The following POU3F3 variants were observed in gnomAD, a reference collection of about 807,000 sequenced individuals.
POU3F3 encodes the protein POU domain, class 3, transcription factor 3.
A neutral mutation model predicts 8.6 loss-of-function variants in POU3F3; 1 was observed. That is an observed-to-expected ratio of 0.12 (90% CI 0.04 to 0.55). The LOEUF (loss-of-function observed/expected upper bound fraction) is 0.55, where lower values mean the gene tolerates loss of function less well. Among genes scored for constraint, POU3F3 ranks in the 20% least tolerant of loss-of-function variants. The pLI, the probability that POU3F3 is intolerant of heterozygous loss-of-function variation, is 0.91. For synonymous variants in POU3F3, 418 were observed against 327.4 expected (o/e 1.28, Z -2.99); for missense variants, 577 against 690.7 (o/e 0.84, Z 1.84).
At chr2:104,905,812 C>T in the POU3F3 span, among the ~76,000 whole-genome samples, 3 of 152,198 alleles carry the variant, frequency 2.0e-5, no homozygotes, top group African/African-American at 7.2e-5. Context: ...TGGATTAGGG[C>T]CCACTCTAAT....
At chr2:104,883,337 C>A in the POU3F3 span, among the ~76,000 whole-genome samples, 3 of 152,342 alleles carry the variant, frequency 2.0e-5, no homozygotes, top group African/African-American at 7.2e-5. Flanking sequence ...CAGCTTAAGA[C>A]CCTGGATTCA....
the POU3F3 span, among the ~76,000 whole-genome samples, chr2:104,887,627 A>G: frequency 2.0e-5 from 3 of 152,332 alleles, no homozygotes; most frequent in East Asian, 5.8e-4. Flanking sequence ...TACCTGCCAA[A>G]AAAACTTTAC....
chr2:104,894,529 A>C, the POU3F3 span, among the ~76,000 whole-genome samples: 1 of 152,140 alleles, frequency 6.6e-6, no homozygotes, highest in African/African-American at 2.4e-5. Context: ...GCCTGCCTGC[A>C]CGAGTGCTGG....
the POU3F3 span, among the ~76,000 whole-genome samples, chr2:104,906,205 T>C: frequency 6.6e-6 from 1 of 152,230 alleles, no homozygotes; most frequent in African/African-American, 2.4e-5. Flanking sequence ...TGAATTTATT[T>C]TGATGAGAAG....
rs895839135 is a variant in POU3F3, at chr2:104,857,087, TGCCGCCGCCGCC to T, written c.*92_*103del. Reference sequence around the variant, plus strand: ...CCGCCGTCAGCACCGCCGCCGCCCCTGCCGCCGCCGCCGCCGCCGCCGCCGCCGCTGCCGCCG... The same window carrying T: ...CCGCCGTCAGCACCGCCGCCGCCCCTGCCGCCGCCGCCGCCGCTGCCGCCG... On this transcript the variant is annotated 3_prime_UTR_variant, in exon 1 of 1. Transcript: ENST00000361360. The T allele has an allele frequency of 7.6e-5, 76 of 1,002,134 alleles. No individual in the cohort carries two copies. Among genetic ancestry groups the T allele is most frequent in the Middle Eastern group, 4.8e-4 (1 of 2,092 alleles). 62.1% of individuals were successfully genotyped at this position (1,002,134 alleles called of 1,614,324 possible). A position where few individuals can be genotyped will look rare whatever the true frequency, so the allele number is the denominator to read the frequency against.
At chr2:104,894,137 T>C in the POU3F3 span, among the ~76,000 whole-genome samples, 9 of 152,174 alleles carry the variant, frequency 5.9e-5, no homozygotes, top group Admixed American at 5.9e-4. Context: ...TCAGTATCCT[T>C]GTGTGTCCAG....
rs771253910 is a variant in POU3F3, at chr2:104,855,704, G to C, written c.194G>C (p.Gly65Ala). ...GCCGTGACCTCGGGCGCCTACCGGG[G>C]GGACCCGTCCTCTGTCAAGATGGTC... is the stretch of plus-strand genomic sequence containing the variant. ...SAAVTSGAYR[G>A]DPSSVKMVQS... Residue 65 changes from glycine (G) to alanine (A), a missense_variant, in exon 1 of 1, where the codon GGG (glycine) becomes GCG (alanine). By Grantham distance (60) the Gly-to-Ala change is moderately conservative (BLOSUM62 0). Around this residue, in one of 7 missense-constraint regions of POU3F3, gnomAD observed 484 missense variants for 422.6 expected, o/e 1.15. Transcript: ENST00000361360. The C allele has an allele frequency of 1.6e-6, 2 of 1,231,038 alleles. No individual in the cohort carries two copies. The highest frequency in any genetic ancestry group is 2.1e-6 in the Non-Finnish European group (2 of 963,592). The allele number at this position is 1,231,038 out of a possible 1,614,324, so 76.3% of individuals were successfully genotyped here.
chr2:104,897,988 A>G, the POU3F3 span, among the ~76,000 whole-genome samples: 1 of 152,194 alleles, frequency 6.6e-6, no homozygotes. Context: ...TATAAGAGGG[A>G]CTGAATGTTC....
At chr2:104,921,852 C>A in the POU3F3 span, among the ~76,000 whole-genome samples, 1 of 152,080 alleles carries the variant, frequency 6.6e-6, no homozygotes, top group African/African-American at 2.4e-5. Flanking sequence ...CAAAAATTAG[C>A]CAGACATGGT....
the POU3F3 span, among the ~76,000 whole-genome samples, chr2:104,906,280 T>A: frequency 6.6e-6 from 1 of 152,230 alleles, no homozygotes; most frequent in African/African-American, 2.4e-5. Context: ...CTGCATGTAA[T>A]ACCCCAGCTT....
chr2:104,908,177 C>T, the POU3F3 span, among the ~76,000 whole-genome samples: 1 of 152,126 alleles, frequency 6.6e-6, no homozygotes, highest in African/African-American at 2.4e-5. Context: ...AAAGAGTGCC[C>T]TGCCATTTCT....
the POU3F3 span, among the ~76,000 whole-genome samples, chr2:104,909,656 C>G: frequency 2.0e-5 from 3 of 152,234 alleles, no homozygotes; most frequent in Non-Finnish European, 4.4e-5. Flanking sequence ...CAGCTGGGCT[C>G]CCCACAGCCA....
At chr2:104,873,883 G>A in the POU3F3 span, among the ~76,000 whole-genome samples, 3 of 152,230 alleles carry the variant, frequency 2.0e-5, no homozygotes. Flanking sequence ...ATGCCTTCGG[G>A]CGTTCCCTAA....
chr2:104,920,097 C>A, the POU3F3 span, among the ~76,000 whole-genome samples: 1 of 152,212 alleles, frequency 6.6e-6, no homozygotes, highest in Non-Finnish European at 1.5e-5. Context: ...CCACTGCAAC[C>A]TCTACCTCCC....
the POU3F3 span, among the ~76,000 whole-genome samples, chr2:104,914,067 C>T: frequency 6.6e-6 from 1 of 152,198 alleles, no homozygotes; most frequent in African/African-American, 2.4e-5. Context: ...TATTTATACT[C>T]TCTGCATATG....
chr2:104,906,369 A>G, the POU3F3 span, among the ~76,000 whole-genome samples: 33 of 152,222 alleles, frequency 2.2e-4, no homozygotes, highest in Non-Finnish European at 1.3e-4. Context: ...CATTGGATCT[A>G]TTAATCTGCT....
chr2:104,860,752 CTTTTTTTTTT>C (rs1178339577), downstream of POU3F3, among the ~76,000 whole-genome samples: 4 of 50,242 alleles, frequency 8.0e-5, no homozygotes, highest in African/African-American at 1.8e-4. Flanking sequence ...GTTGCTCTGC[CTTTTTTTTTT>C]TTTTTTTTTT....
the POU3F3 span, among the ~76,000 whole-genome samples, chr2:104,920,801 T>C: frequency 1.3e-5 from 2 of 152,126 alleles, no homozygotes; most frequent in African/African-American, 4.8e-5. Context: ...CATTCTCACT[T>C]ATATAACTGT....
the POU3F3 span, among the ~76,000 whole-genome samples, chr2:104,902,899 T>G: frequency 6.6e-6 from 1 of 152,290 alleles, no homozygotes; most frequent in African/African-American, 2.4e-5. Context: ...ACAAAGGTAA[T>G]GCAGGGCCTC....
Sources: allele counts gnomAD v4.1 joint callset (sites outside exome capture counted in the v4.1 genomes callset), GRCh38; gene constraint gnomAD v4.1.1; regional missense constraint gnomAD v4.1.1; transcripts MANE v1.5; gene names NCBI Gene and HGNC (gene_info 2026-07-23, HGNC 2026-07-21).